DCLK1: variants seen among roughly 807,000 people sequenced by gnomAD.
DCLK1 encodes doublecortin like kinase 1.
In DCLK1, 16 loss-of-function variants were observed where a neutral mutation model predicts 86.2. The ratio of observed to expected loss-of-function variants is 0.19; its 90% CI spans 0.13 to 0.28. DCLK1 has a LOEUF of 0.28. Ranked by LOEUF, DCLK1 falls within the 10% of genes least tolerant of loss-of-function variation. The pLI is 1.00. For synonymous variants in DCLK1, 369 were observed against 370.5 expected (o/e 1.00, Z 0.05); for missense variants, 590 against 940.2 (o/e 0.63, Z 4.87).
intron 3 of DCLK1, among the ~76,000 whole-genome samples, chr13:36,013,712 C>T (rs1297348137): frequency 6.6e-6 from 1 of 152,190 alleles, no homozygotes; most frequent in Non-Finnish European, 1.5e-5. Flanking sequence ...AGAGGTGGAG[C>T]CTACAGAGGC....
At chr13:35,968,561 G>A (rs544669797) in intron 3 of DCLK1, among the ~76,000 whole-genome samples, 2 of 152,148 alleles carry the variant, frequency 1.3e-5, no homozygotes, top group Non-Finnish European at 2.9e-5. Context: ...CTAACAGCTT[G>A]CACACTGACA....
chr13:35,947,342 C>CTT lies in DCLK1; in HGVS notation c.823+14_823+15dup. 6.4e-7 allele frequency: 1 copy of CTT among 1,552,810 alleles called. No homozygotes were observed. The highest frequency in any genetic ancestry group is 8.8e-7 in the Non-Finnish European group (1 of 1,132,648). ...GCCTCAAATTTCCCCTGGTTTTGAA[C>CTT]TTTTTTTTTCCTTACCACTTTCATC... On this transcript the variant is annotated intron_variant, in intron 4 of 16. Coordinates refer to ENST00000360631, the MANE Select transcript of DCLK1 (RefSeq NM_001330071.2).
In DCLK1 at chr13:35,871,344, G is replaced by C. The variant is rs763853168; in HGVS notation, c.824-4C>G. 3.7e-6 allele frequency: 6 copies of C among 1,611,976 alleles called. No individual in the cohort carries two copies. The Admixed American group carries it at 6.7e-5, about 18-fold the overall frequency. ...GTGGACTTTACCACTCGACATTCTG[G>C]GGAAAGAACAAAAACCACACATCAT... On this transcript the variant is annotated splice_polypyrimidine_tract_variant and splice_region_variant and intron_variant, in intron 4 of 16. Transcript: ENST00000360631.
At chr13:36,124,883 C>G (rs1181782802) in intron 2 of DCLK1, among the ~76,000 whole-genome samples, 3 of 152,054 alleles carry the variant, frequency 2.0e-5, no homozygotes, top group African/African-American at 7.2e-5. Flanking sequence ...TTTTTTGCAC[C>G]TTGGTATACA....
At chr13:36,125,444 C>T (rs1050247595) in intron 2 of DCLK1, among the ~76,000 whole-genome samples, 1 of 151,912 alleles carries the variant, frequency 6.6e-6, no homozygotes, top group African/African-American at 2.4e-5. Context: ...CATTTAGAAA[C>T]GAATATAAAC....
Position 36,128,115 on chromosome 13 carries a change from C to A in DCLK1, c.-19-1959G>T, listed in dbSNP as rs114203340. Among the ~76,000 whole-genome samples the A allele has an allele frequency of 3.9e-3, 587 of 152,260 alleles. 3 individuals carry two copies. The highest frequency in any genetic ancestry group is 0.013 in the African/African-American group (553 of 41,546). Reference sequence around the variant, plus strand: ...TCAGTAAACTGACCTCTGATCCATTCAGAGTGGCTAAAATTTCACACCTGA... The same window carrying A: ...TCAGTAAACTGACCTCTGATCCATTAAGAGTGGCTAAAATTTCACACCTGA... On this transcript the variant is annotated intron_variant, in intron 1 of 16. Coordinates refer to ENST00000360631, the MANE Select transcript of DCLK1 (RefSeq NM_001330071.2).
intron 4 of DCLK1, among the ~76,000 whole-genome samples, chr13:35,890,431 T>C (rs1873573572): frequency 6.6e-6 from 1 of 152,218 alleles, no homozygotes; most frequent in Non-Finnish European, 1.5e-5. Flanking sequence ...TAATTCTTAT[T>C]AATGACAGCA....
At chr13:35,785,545 T>C (rs1593586478) in intron 16 of DCLK1, among the ~76,000 whole-genome samples, 1 of 151,998 alleles carries the variant, frequency 6.6e-6, no homozygotes, top group Non-Finnish European at 1.5e-5. Flanking sequence ...GGCTGGAGAA[T>C]GGAGAGAAAG....
At chr13:35,779,558 T>C (rs1381316473) in intron 16 of DCLK1, among the ~76,000 whole-genome samples, 1 of 152,184 alleles carries the variant, frequency 6.6e-6, no homozygotes, top group African/African-American at 2.4e-5. Context: ...TAGGGGACTA[T>C]ATACTTTCTG....
intron 3 of DCLK1, among the ~76,000 whole-genome samples, chr13:36,089,258 T>C (rs1360941967): frequency 6.6e-6 from 1 of 152,174 alleles, no homozygotes; most frequent in African/African-American, 2.4e-5. Flanking sequence ...ATGTAAGCTC[T>C]CCTCTACTTG....
rs572304143 is a variant in DCLK1 at position 36,002,847 on chromosome 13, G to A, written c.724-55390C>T. Reference sequence around the variant, plus strand: ...TTAATAAATTATAAATTCCGAAGGAGCGACAGTTCTTAGGAAATCATAAAA... The same window carrying A: ...TTAATAAATTATAAATTCCGAAGGAACGACAGTTCTTAGGAAATCATAAAA... On this transcript the variant is annotated intron_variant, in intron 3 of 16. Coordinates refer to ENST00000360631, the MANE Select transcript of DCLK1 (RefSeq NM_001330071.2). 7.2e-5 allele frequency among the ~76,000 whole-genome samples: 11 copies of A among 152,304 alleles called. No individual in the cohort carries two copies. The South Asian group carries it at 2.1e-3, about 29-fold the overall frequency.
At chr13:36,030,626 G>A (rs970826939) in intron 3 of DCLK1, among the ~76,000 whole-genome samples, 1 of 151,944 alleles carries the variant, frequency 6.6e-6, no homozygotes, top group Non-Finnish European at 1.5e-5. Context: ...TTAACACACT[G>A]AGTCTGGATA....
intron 3 of DCLK1, among the ~76,000 whole-genome samples, chr13:36,022,692 A>G (rs1363995699): frequency 6.6e-6 from 1 of 152,144 alleles, no homozygotes; most frequent in East Asian, 1.9e-4. Flanking sequence ...TTCCTAAAAT[A>G]TACAAACTAC....
Position 35,999,993 on chromosome 13 carries a change from C to A in DCLK1, c.724-52536G>T, listed in dbSNP as rs147590919. ...TGGGACAGTTATGCAGGAAGAGGGA[C>A]TAATTACTTGATGTGGCTAAAATAG... On this transcript the variant is annotated intron_variant, in intron 3 of 16. Transcript: ENST00000360631. Among the ~76,000 whole-genome samples the A allele has an allele frequency of 3.0e-3, 451 of 152,310 alleles. 18 individuals carry two copies. The East Asian group carries it at 0.063, about 21-fold the overall frequency.
intron 3 of DCLK1, among the ~76,000 whole-genome samples, chr13:36,033,516 C>T (rs945246980): frequency 2.6e-5 from 4 of 152,140 alleles, no homozygotes; most frequent in African/African-American, 9.7e-5. Context: ...ATTGGTGTGA[C>T]TCCCCACTCA....
intron 10 of DCLK1, among the ~76,000 whole-genome samples, chr13:35,826,597 T>G (rs924009732): frequency 3.4e-5 from 5 of 148,498 alleles, no homozygotes; most frequent in Admixed American, 1.4e-4. Context: ...AAAATAAATT[T>G]CACCTATAAA....
At chr13:35,819,932 TTAAAGA>T (rs1189749188) in intron 11 of DCLK1, among the ~76,000 whole-genome samples, 2 of 152,188 alleles carry the variant, frequency 1.3e-5, no homozygotes, top group East Asian at 1.9e-4. Flanking sequence ...TCAAATCCCC[TTAAAGA>T]TAAAGGCTTG....
chr13:35,805,867 GA>G, intron 14 of DCLK1, 88 bp from the exon 15 acceptor site: 2 of 1,203,830 alleles, frequency 1.7e-6, no homozygotes, highest in South Asian at 3.1e-5. Flanking sequence ...TTTTAGTTTC[GA>G]AAAGCATTTG....
At position 35,866,702 on chromosome 13, in the gene DCLK1, C is replaced by G. The variant is rs964493605; in HGVS notation, c.940+4522G>C. 2.0e-5 allele frequency among the ~76,000 whole-genome samples: 3 copies of G among 151,732 alleles called. No homozygotes were observed. In the East Asian group the frequency reaches 5.8e-4, roughly 29 times the overall value. ...GGGATTACAGGCATGAGCCACCACA[C>G]CCAGTCTAAAGATGCTTTAACATTA... On this transcript the variant is annotated intron_variant, in intron 5 of 16. Transcript: ENST00000360631.
Sources: gnomAD v4.1 joint callset for allele counts (sites outside exome capture counted in the v4.1 genomes callset) on GRCh38, gnomAD v4.1.1 for gene constraint, MANE v1.5 for transcripts, NCBI Gene and HGNC (gene_info 2026-07-23, HGNC 2026-07-21) for gene names.